SEM1: variants seen among roughly 807,000 people sequenced by gnomAD.
SEM1 encodes 26S proteasome complex subunit SEM1.
SEM1 carries 3 observed loss-of-function variants against 12.7 expected under a neutral mutation model. That is an observed-to-expected ratio of 0.24 (90% CI 0.11 to 0.61). The LOEUF (loss-of-function observed/expected upper bound fraction) is 0.61, where lower values mean the gene tolerates loss of function less well. SEM1 is among the 20% of genes least tolerant of loss of function. The pLI is 0.88. For missense variants in SEM1, 59 were observed against 81.3 expected (o/e 0.73, Z 1.06); for synonymous variants, 30 against 27.8 (o/e 1.08, Z -0.25).
At chr7:96,504,187 C>A (rs7798294) in intron 3 of SEM1, among the ~76,000 whole-genome samples, 109,347 of 152,048 alleles carry the variant, frequency 0.72, 39,799 homozygotes, top group East Asian at 0.87. Flanking sequence ...GGGTCCAAAC[C>A]TCACAGGTAT....
chr7:96,521,214 A>G (rs1804258139), intron 2 of SEM1, among the ~76,000 whole-genome samples: 1 of 151,726 alleles, frequency 6.6e-6, no homozygotes, highest in African/African-American at 2.4e-5. Flanking sequence ...CTCAGAACAC[A>G]CTCTCTCCAG....
chr7:96,557,847 C>A (rs569739833), intron 2 of SEM1, among the ~76,000 whole-genome samples: 1 of 152,254 alleles, frequency 6.6e-6, no homozygotes, highest in East Asian at 1.9e-4. Flanking sequence ...AGCCAGGCTC[C>A]GTGGGCGTAG....
intron 2 of SEM1, among the ~76,000 whole-genome samples, chr7:96,661,940 A>T (rs1479605422): frequency 1.3e-5 from 2 of 149,820 alleles, no homozygotes; most frequent in Non-Finnish European, 3.0e-5. Flanking sequence ...GTGAGCCAAG[A>T]TCATGCCATT....
chr7:96,493,922 T>C lies in SEM1; in HGVS notation c.12+2362A>G, dbSNP rs187215798. On this transcript the variant is annotated intron_variant, in intron 1 of 3. Coordinates refer to the SEM1 transcript ENST00000356686. ...TATTTCCTACATTTTTTAGTTTTGC[T>C]CCCCACAACCACACGCTAAACTTCT... is the stretch of plus-strand genomic sequence containing the variant. 2.5e-3 allele frequency among the ~76,000 whole-genome samples: 378 copies of C among 152,328 alleles called. 2 individuals are homozygous for C. The highest frequency in any genetic ancestry group is 0.019 in the South Asian group (93 of 4,824).
At chr7:96,600,928 A>G (rs1807179408) in intron 2 of SEM1, among the ~76,000 whole-genome samples, 1 of 152,194 alleles carries the variant, frequency 6.6e-6, no homozygotes, top group Admixed American at 6.5e-5. Context: ...CCAACACTCC[A>G]CACACACTAA....
intron 2 of SEM1, among the ~76,000 whole-genome samples, chr7:96,586,722 T>C (rs535202980): frequency 6.6e-6 from 1 of 152,320 alleles, no homozygotes; most frequent in South Asian, 2.1e-4. Context: ...CTGGGCAGAA[T>C]GTTATGTGTT....
intron 2 of SEM1, among the ~76,000 whole-genome samples, chr7:96,635,184 T>C (rs540543764): frequency 6.6e-6 from 1 of 152,230 alleles, no homozygotes; most frequent in East Asian, 1.9e-4. Flanking sequence ...TAATTCCTAG[T>C]TATGGTCTAA....
At chr7:96,661,636 T>G (rs1215511351) in intron 2 of SEM1, among the ~76,000 whole-genome samples, 3 of 152,128 alleles carry the variant, frequency 2.0e-5, no homozygotes, top group Non-Finnish European at 2.9e-5. Context: ...GACTTTTATA[T>G]GGCAAAAGTA....
intron 2 of SEM1, among the ~76,000 whole-genome samples, chr7:96,667,889 T>C (rs551772599): frequency 1.3e-5 from 2 of 152,348 alleles, no homozygotes; most frequent in South Asian, 4.1e-4. Context: ...CCTGTTTGTG[T>C]AACACCAATA....
At chr7:96,684,495 G>A (rs995572016), downstream of SEM1, among the ~76,000 whole-genome samples, 22 of 151,908 alleles carry the variant, frequency 1.4e-4, no homozygotes, top group Admixed American at 3.9e-4. Flanking sequence ...GGGGAGATGA[G>A]GATTCATTAG....
chr7:96,522,891 CAA>C (rs540895823), intron 2 of SEM1, among the ~76,000 whole-genome samples: 345 of 87,636 alleles, frequency 3.9e-3, no homozygotes, highest in African/African-American at 0.015. Context: ...AACTCCATCT[CAA>C]AAAAAAAAAA....
chr7:96,581,251 T>C (rs1806394586), intron 2 of SEM1, among the ~76,000 whole-genome samples: 1 of 152,210 alleles, frequency 6.6e-6, no homozygotes, highest in Non-Finnish European at 1.5e-5. Flanking sequence ...TGCTTGTTTT[T>C]CTCAGGTTTG....
intron 2 of SEM1, among the ~76,000 whole-genome samples, chr7:96,485,432 A>C (rs1423263896): frequency 6.8e-6 from 1 of 147,408 alleles, no homozygotes; most frequent in Non-Finnish European, 1.5e-5. Flanking sequence ...GATCTTCCCA[A>C]CTCCTCCTAC....
downstream of SEM1, among the ~76,000 whole-genome samples, chr7:96,687,050 A>G (rs929690082): frequency 1.3e-4 from 20 of 152,206 alleles, no homozygotes; most frequent in Admixed American, 4.6e-4. Flanking sequence ...CATCATCACT[A>G]GCCATCAGAA....
chr7:96,552,967 G>C (rs1459954013), intron 2 of SEM1, among the ~76,000 whole-genome samples: 1 of 151,476 alleles, frequency 6.6e-6, no homozygotes, highest in East Asian at 1.9e-4. Context: ...ATTTTTTCAT[G>C]TGTCTTTTGG....
At position 96,709,777 on chromosome 7, in the gene SEM1, G is replaced by C; in HGVS notation, c.-14C>G. 1.2e-6 allele frequency: 2 copies of C among 1,613,284 alleles called. No individual in the cohort carries two copies. Among genetic ancestry groups the C allele is most frequent in the Non-Finnish European group, 1.7e-6 (2 of 1,179,538 alleles). ...TTTCTCTGACATCTCGACTGTCCGCGCCCAACACCTCCCAGATAAGCAGAA... is the reference window on the plus strand; with the variant it reads ...TTTCTCTGACATCTCGACTGTCCGCCCCCAACACCTCCCAGATAAGCAGAA... On this transcript the variant is annotated 5_prime_UTR_variant, in exon 1 of 3. Transcript: ENST00000248566.
chr7:96,561,581 C>T (rs1347384319), intron 2 of SEM1, among the ~76,000 whole-genome samples: 1 of 152,226 alleles, frequency 6.6e-6, no homozygotes, highest in Non-Finnish European at 1.5e-5. Context: ...ATCACCCCTA[C>T]CCTTGTATCT....
chr7:96,535,463 A>G (rs1804759763), intron 2 of SEM1, among the ~76,000 whole-genome samples: 1 of 151,816 alleles, frequency 6.6e-6, no homozygotes, highest in African/African-American at 2.4e-5. Flanking sequence ...TTTTTATTAA[A>G]TATTTTAACT....
intron 2 of SEM1, among the ~76,000 whole-genome samples, chr7:96,667,681 C>G (rs1473996680): frequency 6.6e-6 from 1 of 152,188 alleles, no homozygotes; most frequent in Non-Finnish European, 1.5e-5. Context: ...GAAGAATCTT[C>G]CAAAACATTA....
Sources: gnomAD v4.1 joint callset for allele counts (sites outside exome capture counted in the v4.1 genomes callset) on GRCh38, gnomAD v4.1.1 for gene constraint, MANE v1.5 for transcripts, NCBI Gene and HGNC (gene_info 2026-07-23, HGNC 2026-07-21) for gene names.